Variants in C8orf34 observed in about 807,000 individuals in gnomAD.
C8orf34 encodes the protein chromosome 8 open reading frame 34.
In C8orf34, 65 loss-of-function variants were observed where a neutral mutation model predicts 68.3. The ratio of observed to expected loss-of-function variants is 0.95; its 90% CI spans 0.78 to 1.17. The LOEUF (loss-of-function observed/expected upper bound fraction) is 1.17. Among genes scored for constraint, C8orf34 ranks in the 50% most tolerant of loss-of-function variants. The pLI is 0.00. For synonymous variants in C8orf34, 244 were observed against 241.2 expected (o/e 1.01, Z -0.11); for missense variants, 664 against 655.4 (o/e 1.01, Z -0.14).
At chr8:68,614,585 G>T (rs1818135021) in intron 7 of C8orf34, among the ~76,000 whole-genome samples, 2 of 152,172 alleles carry the variant, frequency 1.3e-5, no homozygotes, top group African/African-American at 4.8e-5. Context: ...GTTTGTCAAA[G>T]ATCAGATAGT....
At chr8:68,757,427 C>G (rs1454530943) in intron 10 of C8orf34, among the ~76,000 whole-genome samples, 1 of 152,050 alleles carries the variant, frequency 6.6e-6, no homozygotes, top group African/African-American at 2.4e-5. Flanking sequence ...GTCAGGAGTT[C>G]AAGACCAGCC....
At chr8:68,766,256 AG>A (rs1823171763) in intron 10 of C8orf34, among the ~76,000 whole-genome samples, 1 of 152,214 alleles carries the variant, frequency 6.6e-6, no homozygotes, top group South Asian at 2.1e-4. Context: ...TCTGAGTCAC[AG>A]TTCAGGAGGT....
At chr8:68,817,305 G>A (rs1824849107) in intron 13 of C8orf34, among the ~76,000 whole-genome samples, 1 of 152,146 alleles carries the variant, frequency 6.6e-6, no homozygotes, top group African/African-American at 2.4e-5. Context: ...AGAAAGTAAT[G>A]TCTAAGGGTA....
chr8:68,598,629 C>G (rs183139597), intron 7 of C8orf34, among the ~76,000 whole-genome samples: 1 of 152,144 alleles, frequency 6.6e-6, no homozygotes, highest in East Asian at 1.9e-4. Context: ...CTAAGAAGAC[C>G]GTTCGTTGAA....
chr8:68,330,478 A>T (rs989933603), upstream of C8orf34, among the ~76,000 whole-genome samples: 5 of 152,120 alleles, frequency 3.3e-5, no homozygotes, highest in South Asian at 4.1e-4. Context: ...TTCGCGGCAA[A>T]CCCTTAAACC....
At chr8:68,536,529 T>C (rs1315060396) in intron 7 of C8orf34, among the ~76,000 whole-genome samples, 1 of 151,990 alleles carries the variant, frequency 6.6e-6, no homozygotes, top group Non-Finnish European at 1.5e-5. Flanking sequence ...ATTTTAATCT[T>C]ATTCTTGTTG....
intron 7 of C8orf34, among the ~76,000 whole-genome samples, chr8:68,606,354 G>A (rs60779448): frequency 0.3 from 44,903 of 151,978 alleles, 8,443 homozygotes; most frequent in African/African-American, 0.55. Context: ...ACAAATATTT[G>A]TTGGTGGAAA....
At chr8:68,633,771 A>T (rs35678561) in intron 7 of C8orf34, among the ~76,000 whole-genome samples, 21,017 of 152,174 alleles carry the variant, frequency 0.14, 1,515 homozygotes, top group Admixed American at 0.21. Flanking sequence ...GAAGAAAGAA[A>T]GAGTAGAAAA....
chr8:68,776,546 C>G, intron 11 of C8orf34, 97 bp downstream of exon 11: 1 of 940,602 alleles, frequency 1.1e-6, no homozygotes. Flanking sequence ...TGTAGGGTTT[C>G]TAGTCTGTAT....
chr8:68,403,349 CAT>C (rs1185098392), intron 1 of C8orf34, among the ~76,000 whole-genome samples: 14 of 152,068 alleles, frequency 9.2e-5, no homozygotes, highest in Non-Finnish European at 1.3e-4. Context: ...AGTTACTACA[CAT>C]GAGTGATTCA....
intron 3 of C8orf34, among the ~76,000 whole-genome samples, chr8:68,462,674 C>A (rs1811898896): frequency 6.6e-6 from 1 of 151,980 alleles, no homozygotes; most frequent in South Asian, 2.1e-4. Flanking sequence ...AACTGAACAA[C>A]CTGCTCCTGA....
intron 1 of C8orf34, among the ~76,000 whole-genome samples, chr8:68,396,891 GA>G (rs1191693471): frequency 1.3e-5 from 2 of 151,934 alleles, no homozygotes; most frequent in Non-Finnish European, 2.9e-5. Context: ...ACAGCCTGCA[GA>G]ACTGTGAGCC....
intron 1 of C8orf34, among the ~76,000 whole-genome samples, chr8:68,380,273 A>T (rs1317670915): frequency 6.6e-6 from 1 of 152,194 alleles, no homozygotes; most frequent in Non-Finnish European, 1.5e-5. Flanking sequence ...TCAGTTGATA[A>T]GTTAAAAAGA....
intron 7 of C8orf34, among the ~76,000 whole-genome samples, chr8:68,602,513 C>A (rs557948257): frequency 1.3e-5 from 2 of 151,970 alleles, no homozygotes; most frequent in African/African-American, 2.4e-5. Flanking sequence ...AACTTACTCA[C>A]CATCACGAGA....
intron 8 of C8orf34, among the ~76,000 whole-genome samples, chr8:68,644,212 A>T (rs1320493485): frequency 2.0e-5 from 3 of 152,188 alleles, no homozygotes; most frequent in African/African-American, 7.2e-5. Context: ...GAGATTTAGG[A>T]GCTTATATAC....
At chr8:68,691,089 C>A (rs1396069779) in intron 8 of C8orf34, among the ~76,000 whole-genome samples, 4 of 152,088 alleles carry the variant, frequency 2.6e-5, no homozygotes, top group Admixed American at 6.6e-5. Flanking sequence ...AATCTTTATA[C>A]TAAAGTGACA....
intron 8 of C8orf34, among the ~76,000 whole-genome samples, chr8:68,695,335 G>T (rs1935691391): frequency 6.6e-6 from 1 of 152,018 alleles, no homozygotes; most frequent in Non-Finnish European, 1.5e-5. Context: ...TTTTAGTAGA[G>T]ACAGGGTTTC....
At chr8:68,553,680 G>T (rs1165650025) in intron 7 of C8orf34, among the ~76,000 whole-genome samples, 1 of 151,914 alleles carries the variant, frequency 6.6e-6, no homozygotes, top group African/African-American at 2.4e-5. Context: ...ATATCCGTAT[G>T]GTCAGTAGCC....
chr8:68,528,354 T>G (rs1815102206), intron 6 of C8orf34, among the ~76,000 whole-genome samples: 1 of 152,226 alleles, frequency 6.6e-6, no homozygotes, highest in Non-Finnish European at 1.5e-5. Context: ...TTCTAGTTTA[T>G]TGCCTCTGAC....
Sources: gnomAD v4.1 joint callset for allele counts (sites outside exome capture counted in the v4.1 genomes callset) on GRCh38, gnomAD v4.1.1 for gene constraint, MANE v1.5 for transcripts, NCBI Gene and HGNC (gene_info 2026-07-23, HGNC 2026-07-21) for gene names.